Variants in CCDC125 observed in about 807,000 individuals in gnomAD.
CCDC125 encodes the protein coiled-coil domain-containing protein 125.
Under a neutral mutation model 57.4 loss-of-function variants are expected in CCDC125, and 43 were observed. The ratio of observed to expected loss-of-function variants is 0.75; its 90% confidence interval spans 0.59 to 0.97. CCDC125 has a LOEUF of 0.97. CCDC125 is among the 50% of genes least tolerant of loss of function. The pLI is 0.00. For synonymous variants in CCDC125, 187 were observed against 195.2 expected (o/e 0.96, Z 0.35); for missense variants, 563 against 595.7 (o/e 0.95, Z 0.57).
intron 3 of CCDC125, among the ~76,000 whole-genome samples, chr5:69,312,921 G>A (rs1758392850): frequency 6.6e-6 from 1 of 152,108 alleles, no homozygotes; most frequent in South Asian, 2.1e-4. Context: ...GTGACCAGGG[G>A]AAAAGGGAGA....
chr5:69,319,198 G>A lies in CCDC125; in HGVS notation c.304+1039C>T, dbSNP rs556404187. On this transcript the variant is annotated intron_variant, in intron 2 of 11. Coordinates refer to ENST00000396496, the MANE Select transcript of CCDC125 (RefSeq NM_176816.5). ...CCGCCTCAGCCTCCCAAAGTGCTGG[G>A]ATTACAGGCATGAGCCACTGTACCC... Among the ~76,000 whole-genome samples the A allele has an allele frequency of 2.6e-5, 4 of 152,186 alleles. No homozygotes were observed. In the South Asian group the frequency reaches 6.2e-4, roughly 24 times the overall value.
chr5:69,274,852 G>C, the CCDC125 span, among the ~76,000 whole-genome samples: 2 of 152,120 alleles, frequency 1.3e-5, no homozygotes, highest in Non-Finnish European at 2.9e-5. Flanking sequence ...CTGACCTCAG[G>C]TGATCCATCT....
At chr5:69,275,606 T>C (rs1016289293), downstream of CCDC125, among the ~76,000 whole-genome samples, 1 of 152,232 alleles carries the variant, frequency 6.6e-6, no homozygotes, top group African/African-American at 2.4e-5. Flanking sequence ...TGGAAAATTC[T>C]ACACATAAGG....
chr5:69,273,671 C>T, the CCDC125 span, among the ~76,000 whole-genome samples: 1 of 152,184 alleles, frequency 6.6e-6, no homozygotes, highest in East Asian at 1.9e-4. Context: ...CACTGTACAA[C>T]ACAGTGCAGT....
chr5:69,295,238 C>T (rs1755120830), intron 8 of CCDC125, among the ~76,000 whole-genome samples: 2 of 152,150 alleles, frequency 1.3e-5, no homozygotes, highest in Admixed American at 1.3e-4. Flanking sequence ...ATATGGTTAA[C>T]GCTAACATCC....
At chr5:69,315,165 AG>A (rs2150552995) in intron 2 of CCDC125, among the ~76,000 whole-genome samples, 1 of 151,928 alleles carries the variant, frequency 6.6e-6, no homozygotes, top group Admixed American at 6.6e-5. Flanking sequence ...CTGAGGCAGG[AG>A]AATTGCTTGA....
intron 7 of CCDC125, among the ~76,000 whole-genome samples, chr5:69,303,179 C>A (rs1369089631): frequency 6.6e-6 from 1 of 152,056 alleles, no homozygotes; most frequent in Non-Finnish European, 1.5e-5. Context: ...GCCACCACAT[C>A]TGGCTAATTT....
Position 69,300,001 on chromosome 5 carries a change from T to G in CCDC125, c.816+11A>C, listed in dbSNP as rs1580070669. ...GTCCCTTCTGTTCAGCTTTCCTGCA[T>G]GCTTACCTACCTCAAGACCTGAAGC... On this transcript the variant is annotated intron_variant, in intron 8 of 11. Transcript: ENST00000396496. The G allele has an allele frequency of 2.5e-6, 4 of 1,596,262 alleles. No individual in the cohort carries two copies. The African/African-American group carries it at 4.0e-5, about 16-fold the overall frequency.
chr5:69,282,996 T>A lies in CCDC125; in HGVS notation c.1269A>T (p.Lys423Asn), dbSNP rs1473343481. 1 of 1,605,796 alleles carries A rather than the reference T, an allele frequency of 6.2e-7. No individual in the cohort carries two copies. The highest frequency in any genetic ancestry group is 8.5e-7 in the Non-Finnish European group (1 of 1,177,130). The change falls in exon 12 of 12, where the codon AAA (lysine) becomes AAT (asparagine). Residue 423 changes from lysine (K) to asparagine (N), a missense_variant. By Grantham distance (94) the Lys-to-Asn change is moderately conservative (BLOSUM62 0). Coordinates refer to ENST00000396496, the MANE Select transcript of CCDC125 (RefSeq NM_176816.5). ...DKEEALAHQR[K>N]VSYMLARALE... ...ATGCCCGAGCAAGCATGTAGCTAAC[T>A]TTTCTTTGATGAGCCAAAGCTTCTT...
intron 6 of CCDC125, among the ~76,000 whole-genome samples, chr5:69,305,081 T>C (rs1200234676): frequency 6.7e-6 from 1 of 150,308 alleles, no homozygotes; most frequent in Admixed American, 6.6e-5. Flanking sequence ...AAAAGATACA[T>C]AGGGTACACC....
intron 8 of CCDC125, among the ~76,000 whole-genome samples, chr5:69,297,185 T>C (rs1161444490): frequency 2.0e-5 from 3 of 152,022 alleles, no homozygotes; most frequent in Non-Finnish European, 4.4e-5. Context: ...TTCAGGCATA[T>C]GCCACCACAC....
At chr5:69,324,323 G>A (rs1040553637) in intron 1 of CCDC125, among the ~76,000 whole-genome samples, 1 of 152,192 alleles carries the variant, frequency 6.6e-6, no homozygotes, top group Non-Finnish European at 1.5e-5. Flanking sequence ...CCACCTCACC[G>A]CACTGACAAT....
Position 69,318,622 on chromosome 5 carries a change from G to C in CCDC125, c.304+1615C>G, listed in dbSNP as rs1201285077. 2.0e-5 allele frequency among the ~76,000 whole-genome samples: 3 copies of C among 150,596 alleles called. No individual in the cohort carries two copies. The South Asian group carries it at 6.3e-4, about 32-fold the overall frequency. ...AAAAAAATTAGCCAGGCATGGGGGC[G>C]GGCACCTGTAATCCCAGCTACTCAG... On this transcript the variant is annotated intron_variant, in intron 2 of 11. Transcript: ENST00000396496.
intron 10 of CCDC125, among the ~76,000 whole-genome samples, chr5:69,289,523 T>C (rs1257551471): frequency 6.6e-6 from 1 of 152,220 alleles, no homozygotes; most frequent in Non-Finnish European, 1.5e-5. Context: ...GAGTTTATTA[T>C]AGAAAATGAC....
the CCDC125 span, among the ~76,000 whole-genome samples, chr5:69,274,852 G>A: frequency 8.5e-5 from 13 of 152,120 alleles, no homozygotes; most frequent in South Asian, 2.1e-4. Flanking sequence ...CTGACCTCAG[G>A]TGATCCATCT....
In CCDC125 at chr5:69,292,183, G is replaced by A. The variant is rs777809787; in HGVS notation, c.1099+5C>T. 5 of 1,603,930 alleles carry A rather than the reference G, an allele frequency of 3.1e-6. No individual in the cohort carries two copies. In the East Asian group the frequency reaches 1.1e-4, roughly 36 times the overall value. ...CCACTTATTGCCATTATAATTCATA[G>A]TTACCATCCTCTTTAAGGTGCTTCC... On this transcript the variant is annotated splice_donor_5th_base_variant and intron_variant, in intron 10 of 11. Coordinates refer to ENST00000396496, the MANE Select transcript of CCDC125 (RefSeq NM_176816.5).
At chr5:69,287,357 G>A (rs959715031) in intron 10 of CCDC125, among the ~76,000 whole-genome samples, 91 of 149,768 alleles carry the variant, frequency 6.1e-4, no homozygotes, top group African/African-American at 2.0e-3. Flanking sequence ...TCTGCCTCCC[G>A]GGTTCAAACA....
intron 1 of CCDC125, among the ~76,000 whole-genome samples, chr5:69,328,974 T>C (rs1761071946): frequency 1.3e-5 from 2 of 150,180 alleles, no homozygotes; most frequent in African/African-American, 4.9e-5. Flanking sequence ...TTTGTATTTT[T>C]AGTAGAGATG....
chr5:69,326,355 C>A (rs558192958), intron 1 of CCDC125, among the ~76,000 whole-genome samples: 2 of 152,228 alleles, frequency 1.3e-5, no homozygotes, highest in Non-Finnish European at 2.9e-5. Context: ...TTTATAAAAT[C>A]ATCTTGGTTC....
Sources: allele counts gnomAD v4.1 joint callset (sites outside exome capture counted in the v4.1 genomes callset), GRCh38; gene constraint gnomAD v4.1.1; transcripts MANE v1.5; gene names NCBI Gene and HGNC (gene_info 2026-07-23, HGNC 2026-07-21).